The following C12orf56 variants were observed in gnomAD, a reference collection of about 807,000 sequenced individuals.
C12orf56 encodes chromosome 12 open reading frame 56, also known as uncharacterized protein C12orf56.
A neutral mutation model predicts 69.9 loss-of-function variants in C12orf56; 71 were observed. That is an observed-to-expected ratio of 1.02 (90% CI 0.84 to 1.24). The LOEUF (loss-of-function observed/expected upper bound fraction) is 1.24, where lower values mean the gene tolerates loss of function less well. C12orf56 is among the 50% of genes most tolerant of loss of function. The pLI is 0.00. For missense variants in C12orf56, 732 were observed against 738.5 expected (o/e 0.99, Z 0.10); for synonymous variants, 276 against 274.1 (o/e 1.01, Z -0.07).
intron 1 of C12orf56, among the ~76,000 whole-genome samples, chr12:64,376,467 C>T (rs770889124): frequency 6.6e-6 from 1 of 152,088 alleles, no homozygotes; most frequent in Non-Finnish European, 1.5e-5. Context: ...ATCCACGGTC[C>T]GAAACAGCAA....
intron 3 of C12orf56, among the ~76,000 whole-genome samples, chr12:64,323,050 G>A (rs1209572497): frequency 2.6e-5 from 4 of 152,210 alleles, no homozygotes; most frequent in African/African-American, 9.7e-5. Context: ...ATACAAGTAA[G>A]TGTGTGAGTT....
rs2038870172 is a variant in C12orf56, at chr12:64,328,339, T to C, written c.488+2621A>G. ...CCTTGAGTGGCAGCTCCCAGAATCCTACACTCCCCTCTTCCTTCTAATATC... is the reference window on the plus strand; with the variant it reads ...CCTTGAGTGGCAGCTCCCAGAATCCCACACTCCCCTCTTCCTTCTAATATC... On this transcript the variant is annotated intron_variant, in intron 3 of 12. Coordinates refer to ENST00000543942, the MANE Select transcript of C12orf56 (RefSeq NM_001170633.2). Among the ~76,000 whole-genome samples, 6 of 152,074 alleles carry C rather than the reference T, an allele frequency of 3.9e-5. 1 individual carries two copies. In the South Asian group the frequency reaches 1.2e-3, roughly 32 times the overall value.
intron 5 of C12orf56, among the ~76,000 whole-genome samples, chr12:64,307,160 G>C (rs906796299): frequency 9.2e-5 from 14 of 151,978 alleles, no homozygotes; most frequent in African/African-American, 3.4e-4. Context: ...AATGAAAACT[G>C]ATGCTTTTTT....
At chr12:64,341,810 G>C (rs932078986) in intron 2 of C12orf56, among the ~76,000 whole-genome samples, 1 of 152,150 alleles carries the variant, frequency 6.6e-6, no homozygotes, top group Non-Finnish European at 1.5e-5. Flanking sequence ...GCCATATTGA[G>C]GGCTCAGTGT....
chr12:64,357,556 G>A (rs1442720019), intron 1 of C12orf56, among the ~76,000 whole-genome samples: 1 of 151,794 alleles, frequency 6.6e-6, no homozygotes, highest in Non-Finnish European at 1.5e-5. Context: ...GAGACTACAG[G>A]CACATGCCAC....
Position 64,284,661 on chromosome 12 carries a change from T to C in C12orf56, c.1310+3A>G. ...GGTCCCAATGTCTTCTAAAAGACCT[T>C]ACTTCTTAGCTGCCAATGTGTTCAG... On this transcript the variant is annotated splice_donor_region_variant and intron_variant, in intron 8 of 12. Coordinates refer to ENST00000543942, the MANE Select transcript of C12orf56 (RefSeq NM_001170633.2). 6.2e-6 allele frequency: 10 copies of C among 1,603,580 alleles called. No homozygotes were observed. The highest frequency in any genetic ancestry group is 7.7e-6 in the Non-Finnish European group (9 of 1,175,912).
chr12:64,273,145 T>G (rs1592408731), intron 11 of C12orf56, among the ~76,000 whole-genome samples: 2 of 151,898 alleles, frequency 1.3e-5, no homozygotes, highest in South Asian at 4.2e-4. Context: ...AAATACAAAA[T>G]TTAGCCGGGT....
At chr12:64,328,704 A>AAAAAAAAT (rs2038882255) in intron 3 of C12orf56, among the ~76,000 whole-genome samples, 1 of 37,304 alleles carries the variant, frequency 2.7e-5, no homozygotes, top group Non-Finnish European at 5.0e-5. Context: ...AAAAAAAAAA[A>AAAAAAAAT]AAATATATAT....
At chr12:64,319,394 T>TTTTG (rs572177526) in intron 3 of C12orf56, among the ~76,000 whole-genome samples, 1 of 151,432 alleles carries the variant, frequency 6.6e-6, no homozygotes, top group Non-Finnish European at 1.5e-5. Context: ...AAGAGAGGGG[T>TTTTG]TTTGTTTGTT....
At chr12:64,274,333 G>T (rs899013996) in intron 11 of C12orf56, among the ~76,000 whole-genome samples, 2 of 152,218 alleles carry the variant, frequency 1.3e-5, no homozygotes, top group Admixed American at 6.5e-5. Context: ...GCCATAGCAC[G>T]CAGGGCCCTG....
At chr12:64,352,317 C>G (rs1592479115) in intron 2 of C12orf56, 1 of 152,246 alleles carries the variant, frequency 6.6e-6, no homozygotes, top group Non-Finnish European at 1.5e-5. Context: ...AGGATGGCCC[C>G]TTCTACAGGG....
chr12:64,274,262 G>A (rs1287338628), intron 11 of C12orf56, among the ~76,000 whole-genome samples: 1 of 152,154 alleles, frequency 6.6e-6, no homozygotes, highest in Non-Finnish European at 1.5e-5. Context: ...GTGGTGGGGA[G>A]AGGGATGGTG....
In C12orf56 at chr12:64,338,726, G is replaced by T. The variant is rs956007031; in HGVS notation, c.416-7694C>A. ...ATCTATTCCTTCTGCTTTCTCATTG[G>T]CTTCTTGTTCAATGAAAGCCATCAT... On this transcript the variant is annotated intron_variant, in intron 2 of 12. Transcript: ENST00000543942. 17 of 1,509,168 alleles carry T rather than the reference G, an allele frequency of 1.1e-5. No homozygotes were observed. In the South Asian group the frequency reaches 1.8e-4, roughly 16 times the overall value. 93.5% of individuals were successfully genotyped at this position (1,509,168 alleles called of 1,614,324 possible).
At chr12:64,342,986 C>T (rs1049446440) in intron 2 of C12orf56, among the ~76,000 whole-genome samples, 4 of 152,178 alleles carry the variant, frequency 2.6e-5, no homozygotes, top group African/African-American at 4.8e-5. Context: ...AGAGCCTTCT[C>T]CTGTTCTGGA....
In C12orf56 at chr12:64,376,852, T is replaced by C. The variant is rs114334568; in HGVS notation, c.252+13462A>G. Among the ~76,000 whole-genome samples the C allele has an allele frequency of 7.1e-3, 1,088 of 152,238 alleles. 19 individuals carry two copies. The highest frequency in any genetic ancestry group is 0.024 in the African/African-American group (997 of 41,532). ...TATATGTACCACATTTTCTTTTTTTTTTCTTTAGATGGAGTCTTGCTCTGT... is the reference window on the plus strand; with the variant it reads ...TATATGTACCACATTTTCTTTTTTTCTTCTTTAGATGGAGTCTTGCTCTGT... On this transcript the variant is annotated intron_variant, in intron 1 of 12. Transcript: ENST00000543942.
At position 64,318,572 on chromosome 12, in the gene C12orf56, T is replaced by C. The variant is rs2038719987; in HGVS notation, c.894+3A>G. ...GTTAAGGTTAACTTAGGAGGACACTTACTATAATATAATTGTTCCATGAAC... is the reference window on the plus strand; with the variant it reads ...GTTAAGGTTAACTTAGGAGGACACTCACTATAATATAATTGTTCCATGAAC... On this transcript the variant is annotated splice_donor_region_variant and intron_variant, in intron 4 of 12. Coordinates refer to ENST00000543942, the MANE Select transcript of C12orf56 (RefSeq NM_001170633.2). 6.6e-7 allele frequency: 1 copy of C among 1,520,954 alleles called. No individual in the cohort carries two copies. The highest frequency in any genetic ancestry group is 1.4e-5 in the African/African-American group (1 of 72,366). 94.2% of individuals were successfully genotyped at this position (1,520,954 alleles called of 1,614,324 possible).
chr12:64,329,503 T>A (rs2038898534), intron 3 of C12orf56, among the ~76,000 whole-genome samples: 1 of 148,860 alleles, frequency 6.7e-6, no homozygotes, highest in South Asian at 2.1e-4. Flanking sequence ...GTTTATTTAT[T>A]TATTTATTTA....
chr12:64,280,978 C>T (rs974961082), intron 8 of C12orf56, among the ~76,000 whole-genome samples: 1 of 152,134 alleles, frequency 6.6e-6, no homozygotes, highest in Non-Finnish European at 1.5e-5. Flanking sequence ...CAATAGAAAA[C>T]TAATACAATT....
intron 1 of C12orf56, among the ~76,000 whole-genome samples, chr12:64,355,520 A>C (rs150606764): frequency 6.6e-6 from 1 of 152,190 alleles, no homozygotes; most frequent in Non-Finnish European, 1.5e-5. Flanking sequence ...TTTGTGCTCA[A>C]TATAATGAAA....
Sources: gnomAD v4.1 joint callset for allele counts (sites outside exome capture counted in the v4.1 genomes callset) on GRCh38, gnomAD v4.1.1 for gene constraint, MANE v1.5 for transcripts, NCBI Gene and HGNC (gene_info 2026-07-23, HGNC 2026-07-21) for gene names.